MSH4: variants seen among roughly 807,000 people sequenced by gnomAD.
The protein encoded by MSH4 is mutS homolog 4.
In MSH4, 106 loss-of-function variants were observed where a neutral mutation model predicts 113.7. The ratio of observed to expected loss-of-function variants is 0.93; its 90% CI spans 0.80 to 1.10. The LOEUF (loss-of-function observed/expected upper bound fraction) is 1.10. MSH4 is among the 50% of genes least tolerant of loss of function. The pLI, the probability that MSH4 is intolerant of heterozygous loss-of-function variation, is 0.00. For synonymous variants in MSH4, 368 were observed against 380.2 expected (o/e 0.97, Z 0.37); for missense variants, 1,061 against 1,093.7 (o/e 0.97, Z 0.42).
intron 2 of MSH4, among the ~76,000 whole-genome samples, 178 bp from the exon 3 acceptor site, chr1:75,806,803 T>A (rs1650077403): frequency 6.6e-6 from 1 of 152,198 alleles, no homozygotes. Flanking sequence ...GAGGTTTTGA[T>A]TGAAATTATA....
At position 75,883,764 on chromosome 1, in the gene MSH4, A is replaced by C; in HGVS notation, c.2050A>C (p.Ser684Arg). The C allele has an allele frequency of 6.2e-7, 1 of 1,613,382 alleles. No homozygotes were observed. The highest frequency in any genetic ancestry group is 8.5e-7 in the Non-Finnish European group (1 of 1,179,620). Residue 684 changes from serine (S) to arginine (R), a missense_variant, in exon 15 of 20, where the codon AGT becomes CGT. By Grantham distance (110) the Ser-to-Arg change is moderately radical. Coordinates refer to ENST00000263187, the MANE Select transcript of MSH4 (RefSeq NM_002440.4). ...TTTGATCATAACTGGACCAAACATG[A>C]GTGGAAAATCCACATATTTAAAACA... ...NFLIITGPNM[S>R]GKSTYLKQIA...
At chr1:75,832,575 AG>A (rs1412551868) in intron 7 of MSH4, among the ~76,000 whole-genome samples, 1 of 152,158 alleles carries the variant, frequency 6.6e-6, no homozygotes, top group East Asian at 1.9e-4. Flanking sequence ...CTCATCAAAA[AG>A]CTTATCCACC....
chr1:75,886,570 GTTA>G (rs796273878), intron 15 of MSH4, among the ~76,000 whole-genome samples: 7 of 63,180 alleles, frequency 1.1e-4, no homozygotes, highest in Admixed American at 1.7e-4. Flanking sequence ...TTATATGCAA[GTTA>G]TTATGTATAA....
intron 8 of MSH4, among the ~76,000 whole-genome samples, chr1:75,863,117 A>G (rs931685220): frequency 6.6e-6 from 1 of 152,250 alleles, no homozygotes; most frequent in South Asian, 2.1e-4. Flanking sequence ...CTTTTTTTCA[A>G]ATGATTTCAG....
At chr1:75,852,390 T>C (rs969878593) in intron 8 of MSH4, among the ~76,000 whole-genome samples, 3 of 152,226 alleles carry the variant, frequency 2.0e-5, no homozygotes, top group East Asian at 3.8e-4. Flanking sequence ...TGTCTTGATA[T>C]ATACCTAGGA....
At chr1:75,877,553 T>A (rs957711586) in intron 10 of MSH4, among the ~76,000 whole-genome samples, 1 of 152,166 alleles carries the variant, frequency 6.6e-6, no homozygotes, top group African/African-American at 2.4e-5. Context: ...TTGAAGTTAA[T>A]AATAAAACTG....
intron 11 of MSH4, among the ~76,000 whole-genome samples, chr1:75,878,659 A>G (rs1026206206): frequency 3.3e-5 from 5 of 152,120 alleles, no homozygotes; most frequent in African/African-American, 9.6e-5. Flanking sequence ...TGTCTCTACA[A>G]AAACTGAGAA....
chr1:75,815,156 A>T lies in MSH4; in HGVS notation c.815+20A>T. The T allele has an allele frequency of 2.3e-6, 3 of 1,295,130 alleles. No individual in the cohort carries two copies. Among genetic ancestry groups the T allele is most frequent in the African/African-American group, 3.1e-5 (2 of 64,632 alleles). 80.2% of individuals were successfully genotyped at this position (1,295,130 alleles called of 1,614,324 possible). On this transcript the variant is annotated intron_variant, in intron 5 of 19. Coordinates refer to ENST00000263187, the MANE Select transcript of MSH4 (RefSeq NM_002440.4). ...GTCCAAGTAAGTTATATATTTATTT[A>T]TTTTTTTACTAGCCCACAGCTACCA... is the stretch of plus-strand genomic sequence containing the variant.
At chr1:75,900,589 G>T (rs1390423578) in intron 19 of MSH4, among the ~76,000 whole-genome samples, 1 of 152,090 alleles carries the variant, frequency 6.6e-6, no homozygotes, top group Non-Finnish European at 1.5e-5. Flanking sequence ...TTACAGGTGT[G>T]AGCAACCGCT....
At chr1:75,845,475 G>C (rs1231366633) in intron 7 of MSH4, among the ~76,000 whole-genome samples, 4 of 152,142 alleles carry the variant, frequency 2.6e-5, no homozygotes, top group African/African-American at 9.7e-5. Flanking sequence ...GGAGTAACAG[G>C]CCCAAGGAAA....
chr1:75,890,943 A>T, intron 17 of MSH4, 119 bp downstream of exon 17: 4 of 901,966 alleles, frequency 4.4e-6, no homozygotes, highest in Non-Finnish European at 6.4e-6. Context: ...GTAAACACAT[A>T]TCATCGCATT....
intron 7 of MSH4, among the ~76,000 whole-genome samples, chr1:75,831,568 A>G (rs1650691965): frequency 6.6e-6 from 1 of 152,226 alleles, no homozygotes; most frequent in Non-Finnish European, 1.5e-5. Flanking sequence ...AAAAGAACAC[A>G]AATTATAACA....
chr1:75,805,757 TC>T (rs1294250893), intron 2 of MSH4, among the ~76,000 whole-genome samples: 1 of 152,158 alleles, frequency 6.6e-6, no homozygotes, highest in Admixed American at 6.6e-5. Context: ...AATTTTTAAT[TC>T]CATCAATAGT....
intron 19 of MSH4, among the ~76,000 whole-genome samples, chr1:75,901,988 C>G (rs1652514911): frequency 6.6e-6 from 1 of 151,636 alleles, no homozygotes; most frequent in Non-Finnish European, 1.5e-5. Flanking sequence ...TATGTTGTTC[C>G]CTCTGCTAAG....
At chr1:75,842,287 A>G (rs1650974693) in intron 7 of MSH4, among the ~76,000 whole-genome samples, 1 of 152,172 alleles carries the variant, frequency 6.6e-6, no homozygotes, top group South Asian at 2.1e-4. Flanking sequence ...AGCAGACTTC[A>G]GAGAGATAGC....
chr1:75,807,495 C>T (rs916633360), intron 3 of MSH4, among the ~76,000 whole-genome samples: 7 of 152,142 alleles, frequency 4.6e-5, no homozygotes, highest in South Asian at 2.1e-4. Flanking sequence ...GCCATAATCC[C>T]GATGTTCAAA....
At chr1:75,825,679 G>T (rs1650531071) in intron 7 of MSH4, among the ~76,000 whole-genome samples, 1 of 152,144 alleles carries the variant, frequency 6.6e-6, no homozygotes, top group Admixed American at 6.5e-5. Flanking sequence ...TATGAAGGGT[G>T]TTGAATTTTA....
At chr1:75,896,464 T>C (rs1025662984) in intron 17 of MSH4, among the ~76,000 whole-genome samples, 7 of 152,062 alleles carry the variant, frequency 4.6e-5, no homozygotes, top group African/African-American at 1.4e-4. Context: ...AATTTTTTTT[T>C]GAGATGGAGT....
intron 9 of MSH4, among the ~76,000 whole-genome samples, chr1:75,868,776 C>T (rs1464822491): frequency 2.6e-5 from 4 of 152,214 alleles, no homozygotes; most frequent in Admixed American, 2.0e-4. Context: ...TGCCTACCGG[C>T]ATGTAAGATG....
Sources: allele counts gnomAD v4.1 joint callset (sites outside exome capture counted in the v4.1 genomes callset), GRCh38; gene constraint gnomAD v4.1.1; transcripts MANE v1.5; gene names NCBI Gene and HGNC (gene_info 2026-07-23, HGNC 2026-07-21).